Variants in KCNB2 observed in about 807,000 individuals in gnomAD.
The protein encoded by KCNB2 is potassium voltage-gated channel subfamily B member 2, also known as delayed rectifier potassium channel protein.
Under a neutral mutation model 61.5 loss-of-function variants are expected in KCNB2, and 15 were observed. That is an observed-to-expected ratio of 0.24 (90% CI 0.16 to 0.38). KCNB2 has a LOEUF of 0.38. Ranked by LOEUF, KCNB2 falls within the 10% of genes least tolerant of loss-of-function variation. KCNB2 has a pLI of 1.00. For missense variants in KCNB2, 828 were observed against 1,125.2 expected (o/e 0.74, Z 3.78); for synonymous variants, 457 against 446.0 (o/e 1.02, Z -0.31).
intron 2 of KCNB2, among the ~76,000 whole-genome samples, chr8:72,849,246 G>T (rs1810051707): frequency 6.6e-6 from 1 of 151,342 alleles, no homozygotes; most frequent in African/African-American, 2.4e-5. Context: ...GTACATATAG[G>T]GTACATGGTG....
chr8:72,886,213 C>T (rs1805804763), intron 2 of KCNB2, among the ~76,000 whole-genome samples: 1 of 152,174 alleles, frequency 6.6e-6, no homozygotes, highest in Admixed American at 6.5e-5. Context: ...CTTCACTCAT[C>T]TCTTGACCTG....
chr8:72,669,229 C>A (rs1048858358), intron 2 of KCNB2, among the ~76,000 whole-genome samples: 1 of 152,154 alleles, frequency 6.6e-6, no homozygotes, highest in Non-Finnish European at 1.5e-5. Flanking sequence ...CATTATGATC[C>A]TTTGATCATC....
chr8:72,917,965 G>A (rs1806434811), intron 2 of KCNB2, among the ~76,000 whole-genome samples: 1 of 152,148 alleles, frequency 6.6e-6, no homozygotes, highest in Non-Finnish European at 1.5e-5. Flanking sequence ...GAGAGAAGGG[G>A]AAGCAGGCTG....
intron 2 of KCNB2, among the ~76,000 whole-genome samples, chr8:72,640,661 A>G (rs1806039996): frequency 6.6e-6 from 1 of 152,136 alleles, no homozygotes. Flanking sequence ...AGACTATAAG[A>G]AAGTCTGCAA....
intron 2 of KCNB2, among the ~76,000 whole-genome samples, chr8:72,720,471 G>T (rs760171624): frequency 6.6e-5 from 10 of 152,052 alleles, no homozygotes; most frequent in Non-Finnish European, 1.2e-4. Context: ...TCTTTCAAAA[G>T]CCCTTCATGG....
intron 2 of KCNB2, among the ~76,000 whole-genome samples, chr8:72,664,969 G>A (rs1442580629): frequency 2.0e-5 from 3 of 152,116 alleles, no homozygotes; most frequent in African/African-American, 7.2e-5. Context: ...AGAAAAAAGA[G>A]CCAGAGAGAC....
At chr8:72,932,301 A>G (rs1024979593) in intron 2 of KCNB2, among the ~76,000 whole-genome samples, 2 of 152,210 alleles carry the variant, frequency 1.3e-5, no homozygotes, top group African/African-American at 2.4e-5. Flanking sequence ...GTGTGCATTC[A>G]TCTAAAGACA....
intron 2 of KCNB2, among the ~76,000 whole-genome samples, chr8:72,603,642 C>A (rs1805397640): frequency 6.6e-6 from 1 of 152,130 alleles, no homozygotes; most frequent in Non-Finnish European, 1.5e-5. Context: ...AATCCTGTTT[C>A]ACAACTTATT....
At chr8:72,825,147 A>T (rs905097808) in intron 2 of KCNB2, among the ~76,000 whole-genome samples, 6 of 152,178 alleles carry the variant, frequency 3.9e-5, no homozygotes, top group Admixed American at 1.3e-4. Flanking sequence ...ATCATACAGT[A>T]TTTGTCCTTT....
At chr8:72,716,369 T>C (rs1304695985) in intron 2 of KCNB2, among the ~76,000 whole-genome samples, 1 of 152,096 alleles carries the variant, frequency 6.6e-6, no homozygotes, top group South Asian at 2.1e-4. Context: ...AAAAAGAGAA[T>C]TTTAGACCAA....
chr8:72,598,605 C>T (rs370478728), intron 2 of KCNB2, among the ~76,000 whole-genome samples: 1 of 152,088 alleles, frequency 6.6e-6, no homozygotes, highest in Admixed American at 6.6e-5. Context: ...GGCCAGGGCA[C>T]TCAGGCAGGA....
chr8:72,644,477 G>A (rs944687695), intron 2 of KCNB2, among the ~76,000 whole-genome samples: 1 of 152,090 alleles, frequency 6.6e-6, no homozygotes, highest in Non-Finnish European at 1.5e-5. Context: ...ACCACATACT[G>A]GAGCCCCCAA....
At chr8:72,710,376 C>G (rs73309818) in intron 2 of KCNB2, among the ~76,000 whole-genome samples, 5,540 of 152,026 alleles carry the variant, frequency 0.036, 135 homozygotes, top group South Asian at 0.09. Flanking sequence ...AAATAGGAAA[C>G]TAATACTTGA....
At chr8:72,814,376 C>T (rs1809356137) in intron 2 of KCNB2, among the ~76,000 whole-genome samples, 1 of 152,170 alleles carries the variant, frequency 6.6e-6, no homozygotes, top group African/African-American at 2.4e-5. Flanking sequence ...ATTGACACGT[C>T]ACTGAATAGG....
intron 2 of KCNB2, among the ~76,000 whole-genome samples, chr8:72,671,390 A>G (rs1359588878): frequency 6.6e-6 from 1 of 152,174 alleles, no homozygotes; most frequent in Non-Finnish European, 1.5e-5. Context: ...TGATTCTTTG[A>G]TTGGTTCATT....
intron 2 of KCNB2, among the ~76,000 whole-genome samples, chr8:72,578,982 G>A (rs1585763074): frequency 6.6e-6 from 1 of 152,180 alleles, no homozygotes; most frequent in Non-Finnish European, 1.5e-5. Flanking sequence ...TGCAGAAGAG[G>A]TTCTCTAAGG....
intron 2 of KCNB2, among the ~76,000 whole-genome samples, chr8:72,793,220 A>C (rs1394193244): frequency 1.3e-5 from 2 of 152,346 alleles, no homozygotes; most frequent in South Asian, 2.1e-4. Context: ...CAAACTTAAC[A>C]TCCTAGAGGG....
chr8:72,883,964 T>C (rs952437446), intron 2 of KCNB2, among the ~76,000 whole-genome samples: 4 of 152,202 alleles, frequency 2.6e-5, no homozygotes, highest in Admixed American at 6.5e-5. Flanking sequence ...CAAATCACAA[T>C]TGCAGCACTT....
chr8:72,724,020 T>C (rs1807593085), intron 2 of KCNB2, among the ~76,000 whole-genome samples: 1 of 152,248 alleles, frequency 6.6e-6, no homozygotes, highest in South Asian at 2.1e-4. Flanking sequence ...TTACATCTTG[T>C]GCCTGGGAAG....
Sources: allele counts gnomAD v4.1 joint callset (sites outside exome capture counted in the v4.1 genomes callset), GRCh38; gene constraint gnomAD v4.1.1; transcripts MANE v1.5; gene names NCBI Gene and HGNC (gene_info 2026-07-23, HGNC 2026-07-21).